The following BICDL1 variants were observed in gnomAD, a reference collection of about 807,000 sequenced individuals.
BICDL1 encodes the protein BICD family-like cargo adapter 1.
BICDL1 carries 20 observed loss-of-function variants against 76.8 expected under a neutral mutation model. The ratio of observed to expected loss-of-function variants is 0.26; its 90% CI spans 0.18 to 0.38. The LOEUF (loss-of-function observed/expected upper bound fraction) is 0.38. BICDL1 is among the 10% of genes least tolerant of loss of function. BICDL1 has a pLI of 1.00. For synonymous variants in BICDL1, 383 were observed against 337.1 expected (o/e 1.14, Z -1.49); for missense variants, 700 against 798.6 (o/e 0.88, Z 1.49).
Position 120,080,952 on chromosome 12 carries a change from T to G in BICDL1, c.1518T>G (p.Ser506=). Residue 506 remains serine, a synonymous_variant, in exon 8 of 10, where the codon TCT becomes TCG. Transcript: ENST00000548673. ...AGAGAGACCGACTCAGAGTCACTTCTGAGGACAAGGAGCCAAAGGAGCAGC... is the reference window on the plus strand; with the variant it reads ...AGAGAGACCGACTCAGAGTCACTTCGGAGGACAAGGAGCCAAAGGAGCAGC... ...KEERDRLRVT[S]EDKEPKEQLQ... The G allele has an allele frequency of 5.0e-6, 8 of 1,613,872 alleles. No individual in the cohort carries two copies. Among genetic ancestry groups the G allele is most frequent in the Non-Finnish European group, 6.8e-6 (8 of 1,179,948 alleles).
chr12:120,090,907 A>G (rs749580373), intron 9 of BICDL1: 34 of 1,288,746 alleles, frequency 2.6e-5, no homozygotes, highest in Non-Finnish European at 3.3e-5. Flanking sequence ...TCTCCCGGCT[A>G]CAGTTTGCTT....
intron 1 of BICDL1, among the ~76,000 whole-genome samples, chr12:119,996,004 C>T (rs1951637703): frequency 6.6e-6 from 1 of 151,046 alleles, no homozygotes; most frequent in African/African-American, 2.4e-5. Context: ...AAAAAAAATT[C>T]TCATTTTTGG....
chr12:120,008,284 A>T lies in BICDL1; in HGVS notation c.645+9548A>T, dbSNP rs968777215. On this transcript the variant is annotated intron_variant, in intron 2 of 9. Coordinates refer to ENST00000548673, the MANE Select transcript of BICDL1 (RefSeq NM_001367886.1). The stretch of plus-strand genomic sequence containing the variant: ...GGTGATCCTCCCACCTCAGCCTCCC[A>T]GGTGGCTGGGACTACAGCTGTAAGC... 3.4e-5 allele frequency among the ~76,000 whole-genome samples: 5 copies of T among 149,084 alleles called. No individual in the cohort carries two copies. In the East Asian group the frequency reaches 6.0e-4, roughly 18 times the overall value.
chr12:120,073,659 C>A (rs1471507364), intron 6 of BICDL1, among the ~76,000 whole-genome samples: 1 of 152,194 alleles, frequency 6.6e-6, no homozygotes, highest in Non-Finnish European at 1.5e-5. Flanking sequence ...TATTATTTCT[C>A]CTCACGTTTC....
Position 120,006,664 on chromosome 12 carries a change from G to GA in BICDL1, c.645+7932dup, listed in dbSNP as rs1185546942. ...GGAGCAAAAGAGTATTCCTGGCAAAGAAAACAACATGTAAAAGCCTAAGAA... is the reference window on the plus strand; with the variant it reads ...GGAGCAAAAGAGTATTCCTGGCAAAGAAAAACAACATGTAAAAGCCTAAGAA... On this transcript the variant is annotated intron_variant, in intron 2 of 9. Transcript: ENST00000548673. Among the ~76,000 whole-genome samples the GA allele has an allele frequency of 5.3e-5, 8 of 152,164 alleles. No individual in the cohort carries two copies. In the East Asian group the frequency reaches 1.5e-3, roughly 29 times the overall value.
chr12:120,000,681 A>AAGAG (rs1157613985), intron 2 of BICDL1: 1 of 152,200 alleles, frequency 6.6e-6, no homozygotes, highest in Non-Finnish European at 1.5e-5. Context: ...ATAGGTGACC[A>AAGAG]AGAGAGACGA....
rs1476355880 is a variant in BICDL1, at chr12:119,998,656, C to T, written c.565C>T (p.Arg189Trp). The T allele has an allele frequency of 1.2e-6, 2 of 1,613,948 alleles. No individual in the cohort carries two copies. The highest frequency in any genetic ancestry group is 1.1e-5 in the South Asian group (1 of 91,070). Reference protein sequence around the residue: ...DELERQQIHLREADREKSRAV... With the variant: ...DELERQQIHLWEADREKSRAV... ...GTTGGAGAGGCAGCAGATTCATCTG[C>T]GGGAAGCAGATCGAGAAAAATCACG... Residue 189 changes from arginine (R) to tryptophan (W), a missense_variant, in exon 2 of 10, where the codon CGG (arginine) becomes TGG (tryptophan). By Grantham distance (101) the Arg-to-Trp change is moderately radical (BLOSUM62 -3). This residue lies in a region of BICDL1 where 455 missense variants were observed against 548.7 expected (regional missense o/e 0.83). Transcript: ENST00000548673.
In BICDL1 at chr12:120,037,205, T is replaced by C. The variant is rs183678054; in HGVS notation, c.646-24505T>C. Reference sequence around the variant, plus strand: ...GTTGAATGAAATGGGTACAGCATTATTTGGAATTATTGCCTTTGTTGTATT... The same window carrying C: ...GTTGAATGAAATGGGTACAGCATTACTTGGAATTATTGCCTTTGTTGTATT... On this transcript the variant is annotated intron_variant, in intron 2 of 9. Coordinates refer to ENST00000548673, the MANE Select transcript of BICDL1 (RefSeq NM_001367886.1). Among the ~76,000 whole-genome samples the C allele has an allele frequency of 2.6e-5, 4 of 152,310 alleles. No homozygotes were observed. In the East Asian group the frequency reaches 7.7e-4, roughly 29 times the overall value.
chr12:120,038,122 G>A (rs1481679726), intron 2 of BICDL1, among the ~76,000 whole-genome samples: 1 of 152,178 alleles, frequency 6.6e-6, no homozygotes, highest in African/African-American at 2.4e-5. Flanking sequence ...GCAGCAGTTG[G>A]GAATGGAGTC....
At chr12:120,027,562 A>T (rs1475983345) in intron 2 of BICDL1, among the ~76,000 whole-genome samples, 4 of 152,128 alleles carry the variant, frequency 2.6e-5, no homozygotes, top group African/African-American at 7.2e-5. Context: ...AGAGGCTGTG[A>T]TTTGCCCAAA....
At position 120,046,214 on chromosome 12, in the gene BICDL1, G is replaced by A. The variant is rs1952747846; in HGVS notation, c.646-15496G>A. Among the ~76,000 whole-genome samples, 2 of 152,158 alleles carry A rather than the reference G, an allele frequency of 1.3e-5. 1 individual carries two copies. Among genetic ancestry groups the A allele is most frequent in the Admixed American group, 1.3e-4 (2 of 15,274 alleles). On this transcript the variant is annotated intron_variant, in intron 2 of 9. Coordinates refer to ENST00000548673, the MANE Select transcript of BICDL1 (RefSeq NM_001367886.1). ...CCCTACAACTCTGCCTCTGTTAGGGGTGTCCTTCTCTCCATCCTCCATCAG... is the reference window on the plus strand; with the variant it reads ...CCCTACAACTCTGCCTCTGTTAGGGATGTCCTTCTCTCCATCCTCCATCAG...
rs552540533 is a variant in BICDL1 at position 120,034,713 on chromosome 12, C to T, written c.646-26997C>T. The stretch of plus-strand genomic sequence containing the variant: ...CAGGCCAGGTTCTCATCTGGAGCTC[C>T]GTGTCCTCTTCTAAGCTCATTCAGG... On this transcript the variant is annotated intron_variant, in intron 2 of 9. Coordinates refer to ENST00000548673, the MANE Select transcript of BICDL1 (RefSeq NM_001367886.1). Among the ~76,000 whole-genome samples, 12 of 152,288 alleles carry T rather than the reference C, an allele frequency of 7.9e-5. No homozygotes were observed. In the South Asian group the frequency reaches 1.2e-3, roughly 16 times the overall value.
intron 8 of BICDL1, among the ~76,000 whole-genome samples, chr12:120,088,227 C>T (rs1449633627): frequency 4.0e-5 from 6 of 151,826 alleles, no homozygotes; most frequent in Admixed American, 6.6e-5. Flanking sequence ...GCCACAGCAC[C>T]CTGCGGACAC....
chr12:120,018,125 C>G (rs1412565824), intron 2 of BICDL1, among the ~76,000 whole-genome samples: 3 of 152,186 alleles, frequency 2.0e-5, no homozygotes. Flanking sequence ...ATTAGAATCA[C>G]CTGGGCAGCT....
chr12:120,001,146 G>A (rs1395721147), intron 2 of BICDL1, among the ~76,000 whole-genome samples: 1 of 151,360 alleles, frequency 6.6e-6, no homozygotes, highest in Admixed American at 6.6e-5. Context: ...TTTAGATAGC[G>A]TTTTATTAAC....
At chr12:119,998,816 G>T (rs376594740) in intron 2 of BICDL1, 80 bp downstream of exon 2, 7 of 1,385,946 alleles carry the variant, frequency 5.1e-6, no homozygotes, top group Admixed American at 4.3e-5. Flanking sequence ...TGCCTGTGAC[G>T]CCAGCATTTC....
intron 4 of BICDL1, among the ~76,000 whole-genome samples, chr12:120,069,478 G>A (rs1276082590): frequency 1.3e-5 from 2 of 152,168 alleles, no homozygotes; most frequent in Middle Eastern, 3.2e-3. Context: ...AAGAACCCTG[G>A]ACTGGGAGTC....
chr12:120,017,578 A>T (rs1165290745), intron 2 of BICDL1, among the ~76,000 whole-genome samples: 3 of 152,072 alleles, frequency 2.0e-5, no homozygotes, highest in Non-Finnish European at 4.4e-5. Flanking sequence ...AAATTTTTTT[A>T]AAAATAAGCT....
chr12:120,085,314 G>A (rs1874315680), intron 8 of BICDL1, among the ~76,000 whole-genome samples: 1 of 152,254 alleles, frequency 6.6e-6, no homozygotes, highest in Non-Finnish European at 1.5e-5. Flanking sequence ...AGCCAGGTTG[G>A]AGGATCACAA....
Sources: allele counts gnomAD v4.1 joint callset (sites outside exome capture counted in the v4.1 genomes callset), GRCh38; gene constraint gnomAD v4.1.1; regional missense constraint gnomAD v4.1.1; transcripts MANE v1.5; gene names NCBI Gene and HGNC (gene_info 2026-07-23, HGNC 2026-07-21).